BCAS3: variants seen among roughly 807,000 people sequenced by gnomAD.
The protein encoded by BCAS3 is BCAS4/BCAS3 fusion.
Under a neutral mutation model 116.1 loss-of-function variants are expected in BCAS3, and 53 were observed. The observed-to-expected ratio is 0.46, with a 90% CI of 0.37 to 0.57. The LOEUF (loss-of-function observed/expected upper bound fraction) is 0.57, where lower values mean the gene tolerates loss of function less well. Among genes scored for constraint, BCAS3 ranks in the 20% least tolerant of loss-of-function variants. The pLI, the probability that BCAS3 is intolerant of heterozygous loss-of-function variation, is 0.00. For synonymous variants in BCAS3, 391 were observed against 408.2 expected, an observed-to-expected ratio of 0.96 and a Z score of 0.51; for missense variants, 917 against 1,165.4, an observed-to-expected ratio of 0.79 and a Z score of 3.10.
chr17:61,033,256 C>T (rs1190946091), intron 16 of BCAS3, among the ~76,000 whole-genome samples: 2 of 152,106 alleles, frequency 1.3e-5, no homozygotes, highest in Non-Finnish European at 2.9e-5. Flanking sequence ...TGTTTCAAAA[C>T]ACGGATTGTT....
chr17:60,796,614 T>A (rs2047234429), intron 6 of BCAS3, among the ~76,000 whole-genome samples: 2 of 152,344 alleles, frequency 1.3e-5, no homozygotes, highest in South Asian at 4.1e-4. Context: ...CTCTCTTCTT[T>A]TCTTGGTTAA....
At chr17:61,272,408 A>G (rs890300797) in intron 22 of BCAS3, among the ~76,000 whole-genome samples, 6 of 151,866 alleles carry the variant, frequency 4.0e-5, no homozygotes, top group African/African-American at 1.5e-4. Flanking sequence ...TGAGGCGGGC[A>G]GATTGCTTGA....
chr17:61,303,173 A>G (rs1009866215), intron 22 of BCAS3, among the ~76,000 whole-genome samples: 3 of 152,216 alleles, frequency 2.0e-5, no homozygotes, highest in Non-Finnish European at 2.9e-5. Flanking sequence ...TAATATTAGC[A>G]TGTCATCTCA....
At chr17:61,046,096 AAT>A (rs1212105077) in intron 19 of BCAS3, among the ~76,000 whole-genome samples, 10 of 49,370 alleles carry the variant, frequency 2.0e-4, no homozygotes, top group African/African-American at 1.9e-4. Context: ...ATATATATAT[AAT>A]ATATATATAT....
chr17:60,956,436 A>G lies in BCAS3; in HGVS notation c.1221+9084A>G, dbSNP rs142640056. 1.7e-3 allele frequency among the ~76,000 whole-genome samples: 259 copies of G among 152,288 alleles called. No individual in the cohort carries two copies. Among genetic ancestry groups the G allele is most frequent in the Non-Finnish European group, 3.0e-3 (204 of 68,008 alleles). ...TTACCTCTTTTTCAAATCCCATCCC[A>G]TCTGTTCTAGTCACTGAGATGCTCT... On this transcript the variant is annotated intron_variant, in intron 14 of 23. Coordinates refer to ENST00000407086, the MANE Select transcript of BCAS3 (RefSeq NM_017679.5). The surrounding 1 kb of genome is among the most constrained non-coding windows in gnomAD (Gnocchi z 4.2).
chr17:61,291,578 C>T (rs887362843), intron 22 of BCAS3, among the ~76,000 whole-genome samples: 1 of 152,326 alleles, frequency 6.6e-6, no homozygotes, highest in African/African-American at 2.4e-5. Context: ...TGCTTCCCAT[C>T]CAAGAGCTGA....
chr17:61,024,532 C>T (rs182931547), intron 16 of BCAS3, among the ~76,000 whole-genome samples: 33 of 152,172 alleles, frequency 2.2e-4, no homozygotes, highest in African/African-American at 7.7e-4. Flanking sequence ...TAGTACAGGC[C>T]TGTAAACTAC....
Position 61,325,222 on chromosome 17 carries a change from A to C in BCAS3, c.2426-43105A>C, listed in dbSNP as rs536653342. Among the ~76,000 whole-genome samples the C allele has an allele frequency of 3.3e-5, 5 of 152,336 alleles. No individual in the cohort carries two copies. In the South Asian group the frequency reaches 1.0e-3, roughly 32 times the overall value. On this transcript the variant is annotated intron_variant, in intron 22 of 23. Transcript: ENST00000407086. The surrounding 1 kb of genome is among the most constrained non-coding windows in gnomAD (Gnocchi z 6.4). ...AGCATTTAACTTACATTATGAAGTG[A>C]CAGAATCGCACTTGTGTGGCTGATA...
chr17:60,837,000 A>T (rs1184505633), intron 7 of BCAS3, among the ~76,000 whole-genome samples: 1 of 152,196 alleles, frequency 6.6e-6, no homozygotes, highest in Non-Finnish European at 1.5e-5. Flanking sequence ...TTTAGGGAAG[A>T]TGATACTTAA....
rs11299754 is a variant in BCAS3 at position 61,208,877 on chromosome 17, GAAA to G, written c.2425+124326_2425+124328del. Reference sequence around the variant, plus strand: ...TTGCTAAGAGAAAAGTGCTAAAAAGGAAAAAAAAAAAAAAAGGAGGGCCTGTAT... The same window carrying G: ...TTGCTAAGAGAAAAGTGCTAAAAAGGAAAAAAAAAAAAGGAGGGCCTGTAT... On this transcript the variant is annotated intron_variant, in intron 22 of 23. Transcript: ENST00000407086. This position sits in a 1 kb window ranked among gnomAD's most constrained non-coding sequence, Gnocchi z 4.5. Among the ~76,000 whole-genome samples, 3 of 143,804 alleles carry G rather than the reference GAAA, an allele frequency of 2.1e-5. No individual in the cohort carries two copies. Among genetic ancestry groups the G allele is most frequent in the African/African-American group, 2.6e-5 (1 of 38,956 alleles). 94.3% of individuals were successfully genotyped at this position (143,804 alleles called of 152,430 possible).
intron 22 of BCAS3, among the ~76,000 whole-genome samples, chr17:61,245,042 C>A (rs562594425): frequency 3.3e-5 from 5 of 152,208 alleles, no homozygotes; most frequent in Non-Finnish European, 7.3e-5. Context: ...ATAGCCGAGA[C>A]TGGGTAATTT....
intron 22 of BCAS3, among the ~76,000 whole-genome samples, chr17:61,101,392 A>G (rs116919228): frequency 2.8e-3 from 431 of 152,280 alleles, no homozygotes; most frequent in Non-Finnish European, 4.3e-3. Flanking sequence ...GGGAAAATTC[A>G]AACTAAAGGA....
At chr17:60,926,534 G>C (rs998133441) in intron 13 of BCAS3, among the ~76,000 whole-genome samples, 2 of 152,072 alleles carry the variant, frequency 1.3e-5, no homozygotes, top group Non-Finnish European at 2.9e-5. Context: ...GTAATCAGTA[G>C]GATTGATTTA....
At chr17:61,146,067 C>G (rs1358089622) in intron 22 of BCAS3, among the ~76,000 whole-genome samples, 1 of 151,670 alleles carries the variant, frequency 6.6e-6, no homozygotes, top group Non-Finnish European at 1.5e-5. Context: ...ATCTACCCCC[C>G]GATAGCTGAC....
intron 5 of BCAS3, among the ~76,000 whole-genome samples, chr17:60,720,988 A>G (rs2039176291): frequency 6.6e-6 from 1 of 152,178 alleles, no homozygotes; most frequent in Non-Finnish European, 1.5e-5. Context: ...TGCTCCTTGA[A>G]AGGAAATTTT....
rs144186183 is a variant in BCAS3, at chr17:61,105,971, T to C, written c.2425+21407T>C. Among the ~76,000 whole-genome samples the C allele has an allele frequency of 2.1e-3, 324 of 152,294 alleles. No individual in the cohort carries two copies. Among genetic ancestry groups the C allele is most frequent in the African/African-American group, 7.3e-3 (302 of 41,562 alleles). On this transcript the variant is annotated intron_variant, in intron 22 of 23. Transcript: ENST00000407086. This position sits in a 1 kb window ranked among gnomAD's most constrained non-coding sequence, Gnocchi z 4.3. The stretch of plus-strand genomic sequence containing the variant: ...ATCTTACAGCATCCCTCCCAGACCG[T>C]GAATCATCCCTTTGTCTGGCATCTC...
At chr17:60,863,337 A>G (rs981610942) in intron 7 of BCAS3, among the ~76,000 whole-genome samples, 1 of 152,172 alleles carries the variant, frequency 6.6e-6, no homozygotes, top group African/African-American at 2.4e-5. Flanking sequence ...TATCATTTGT[A>G]TACATCCATA....
At chr17:61,075,743 C>T (rs932255525) in intron 20 of BCAS3, among the ~76,000 whole-genome samples, 4 of 152,256 alleles carry the variant, frequency 2.6e-5, no homozygotes, top group South Asian at 2.1e-4. Context: ...CAACATTTTC[C>T]GAAGATTGAG....
intron 22 of BCAS3, among the ~76,000 whole-genome samples, chr17:61,330,400 A>G (rs138986831): frequency 0.032 from 4,859 of 152,300 alleles, 177 homozygotes; most frequent in African/African-American, 0.08. Context: ...CTGGGATTAC[A>G]GGCATGAGCC....
Sources: gnomAD v4.1 joint callset for allele counts (sites outside exome capture counted in the v4.1 genomes callset) on GRCh38, gnomAD v4.1.1 for gene constraint, Gnocchi (gnomAD v3.1) non-coding constraint, MANE v1.5 for transcripts, NCBI Gene and HGNC (gene_info 2026-07-23, HGNC 2026-07-21) for gene names.